CNTNAP5: variants seen among roughly 807,000 people sequenced by gnomAD.
The protein encoded by CNTNAP5 is contactin associated protein family member 5.
In CNTNAP5, 72 loss-of-function variants were observed where a neutral mutation model predicts 150.2. The ratio of observed to expected loss-of-function variants is 0.48; its 90% CI spans 0.40 to 0.58. The LOEUF (loss-of-function observed/expected upper bound fraction) is 0.58, where lower values mean the gene tolerates loss of function less well. Among genes scored for constraint, CNTNAP5 ranks in the 20% least tolerant of loss-of-function variants. The probability of loss-of-function intolerance (pLI) is 0.00; values close to 1 mark genes in which losing one functional copy is unlikely to be tolerated. For missense variants in CNTNAP5, 1,636 were observed against 1,626.2 expected, an observed-to-expected ratio of 1.01 and a Z score of -0.10; for synonymous variants, 672 against 619.8, an observed-to-expected ratio of 1.08 and a Z score of -1.25.
intron 13 of CNTNAP5, among the ~76,000 whole-genome samples, chr2:124,676,870 G>A (rs1306299577): frequency 6.6e-6 from 1 of 152,148 alleles, no homozygotes; most frequent in Non-Finnish European, 1.5e-5. Context: ...GTTAATTTTT[G>A]ACAATTTTGA....
chr2:124,260,899 T>C (rs1231785837), intron 3 of CNTNAP5, among the ~76,000 whole-genome samples: 1 of 152,048 alleles, frequency 6.6e-6, no homozygotes, highest in African/African-American at 2.4e-5. Flanking sequence ...ACAAATGGAG[T>C]GCAATTGTCA....
intron 1 of CNTNAP5, among the ~76,000 whole-genome samples, chr2:124,029,864 A>G (rs1370137954): frequency 6.6e-6 from 1 of 152,148 alleles, no homozygotes; most frequent in Non-Finnish European, 1.5e-5. Flanking sequence ...TGTGTATACA[A>G]TGATAATTAT....
intron 3 of CNTNAP5, among the ~76,000 whole-genome samples, chr2:124,368,990 A>G (rs1690448904): frequency 6.6e-6 from 1 of 152,168 alleles, no homozygotes; most frequent in African/African-American, 2.4e-5. Flanking sequence ...CTTGTTTAAA[A>G]CAAATAATTT....
At chr2:124,609,767 CA>C (rs1460288961) in intron 11 of CNTNAP5, 33 bp from the exon 12 acceptor site, 10 of 1,607,692 alleles carry the variant, frequency 6.2e-6, no homozygotes. Context: ...CAGAGCCAAG[CA>C]AAGTTTTATC....
chr2:124,833,590 A>G (rs1682764392), intron 19 of CNTNAP5, among the ~76,000 whole-genome samples: 1 of 152,178 alleles, frequency 6.6e-6, no homozygotes, highest in South Asian at 2.1e-4. Flanking sequence ...GCAATCCTTC[A>G]GAGAGGTTAT....
chr2:124,522,391 C>A (rs1694864791), intron 8 of CNTNAP5, among the ~76,000 whole-genome samples: 1 of 152,188 alleles, frequency 6.6e-6, no homozygotes, highest in South Asian at 2.1e-4. Flanking sequence ...GGGGACTCTG[C>A]AAGCAGTAGG....
At chr2:124,231,962 A>C (rs1686633733) in intron 2 of CNTNAP5, among the ~76,000 whole-genome samples, 1 of 152,138 alleles carries the variant, frequency 6.6e-6, no homozygotes, top group African/African-American at 2.4e-5. Context: ...ACAAAAAAAA[A>C]GTTCCAAGAA....
intron 19 of CNTNAP5, among the ~76,000 whole-genome samples, chr2:124,806,504 G>T (rs192425997): frequency 6.6e-6 from 1 of 152,292 alleles, no homozygotes; most frequent in African/African-American, 2.4e-5. Flanking sequence ...TGTAGAGCTG[G>T]CATTCTGTGG....
intron 19 of CNTNAP5, among the ~76,000 whole-genome samples, chr2:124,812,102 T>A: frequency 1.3e-5 from 1 of 77,960 alleles, no homozygotes; most frequent in Non-Finnish European, 2.4e-5. Context: ...ATATATAATT[T>A]ATATTTATAT....
chr2:124,532,327 G>A (rs1695128462), intron 10 of CNTNAP5, among the ~76,000 whole-genome samples: 1 of 152,136 alleles, frequency 6.6e-6, no homozygotes, highest in Non-Finnish European at 1.5e-5. Flanking sequence ...TTCCATCTAT[G>A]AGGGGACATT....
intron 21 of CNTNAP5, among the ~76,000 whole-genome samples, chr2:124,870,515 G>T (rs984442272): frequency 6.6e-6 from 1 of 151,846 alleles, no homozygotes; most frequent in Non-Finnish European, 1.5e-5. Flanking sequence ...GCAAATGTAG[G>T]TCCTTCTACA....
chr2:124,719,725 T>C (rs933093682), intron 13 of CNTNAP5, among the ~76,000 whole-genome samples: 2 of 152,146 alleles, frequency 1.3e-5, no homozygotes, highest in African/African-American at 4.8e-5. Flanking sequence ...ATACTGTAAT[T>C]AATCTTTTTT....
intron 13 of CNTNAP5, among the ~76,000 whole-genome samples, chr2:124,674,919 T>C (rs547533818): frequency 4.6e-5 from 7 of 152,098 alleles, no homozygotes; most frequent in Admixed American, 6.6e-5. Context: ...TCTTGGATAA[T>C]TTTTATTGTG....
Position 124,835,451 on chromosome 2 carries a change from G to C in CNTNAP5, c.3218-29855G>C, listed in dbSNP as rs72963822. Reference sequence around the variant, plus strand: ...CAGGATTGCTGCAGAACTTGGGAAAGGTCCATCCTGACAGCCTCTGGCCAA... The same window carrying C: ...CAGGATTGCTGCAGAACTTGGGAAACGTCCATCCTGACAGCCTCTGGCCAA... On this transcript the variant is annotated intron_variant, in intron 19 of 23. Coordinates refer to ENST00000682447, the MANE Select transcript of CNTNAP5 (RefSeq NM_001367498.1). Among the ~76,000 whole-genome samples the C allele has an allele frequency of 5.3e-3, 809 of 152,226 alleles. 10 individuals carry two copies. Among genetic ancestry groups the C allele is most frequent in the African/African-American group, 0.018 (767 of 41,556 alleles).
intron 3 of CNTNAP5, among the ~76,000 whole-genome samples, chr2:124,273,489 C>A (rs1336478197): frequency 6.6e-6 from 1 of 152,136 alleles, no homozygotes; most frequent in Non-Finnish European, 1.5e-5. Flanking sequence ...TCATTGTTTC[C>A]TTCTCCATCT....
intron 18 of CNTNAP5, among the ~76,000 whole-genome samples, chr2:124,796,061 A>C (rs1048171473): frequency 6.6e-6 from 1 of 152,166 alleles, no homozygotes; most frequent in African/African-American, 2.4e-5. Flanking sequence ...TATAAAGTAC[A>C]AGAAACTGAA....
chr2:124,081,477 A>G (rs1178099963), intron 1 of CNTNAP5, among the ~76,000 whole-genome samples: 1 of 152,180 alleles, frequency 6.6e-6, no homozygotes, highest in Admixed American at 6.6e-5. Flanking sequence ...AGTAGCTTTT[A>G]AATTGTGGAA....
intron 2 of CNTNAP5, among the ~76,000 whole-genome samples, chr2:124,225,804 A>G (rs1163713105): frequency 6.6e-6 from 1 of 152,046 alleles, no homozygotes; most frequent in Non-Finnish European, 1.5e-5. Context: ...CCTCGCAACC[A>G]CTGTTCCACT....
intron 8 of CNTNAP5, among the ~76,000 whole-genome samples, chr2:124,521,469 A>G (rs1694844566): frequency 6.6e-6 from 1 of 152,202 alleles, no homozygotes; most frequent in South Asian, 2.1e-4. Context: ...CGATGTGGGG[A>G]GAGGACAGGA....
Sources: allele counts gnomAD v4.1 joint callset (sites outside exome capture counted in the v4.1 genomes callset), GRCh38; gene constraint gnomAD v4.1.1; transcripts MANE v1.5; gene names NCBI Gene and HGNC (gene_info 2026-07-23, HGNC 2026-07-21).